Variants in TEX9 observed in about 807,000 individuals in gnomAD.
TEX9 encodes the protein testis expressed 9, also known as testis-expressed protein 9.
In TEX9, 74 loss-of-function variants were observed where a neutral mutation model predicts 59.6. The observed-to-expected ratio is 1.24, with a 90% CI of 1.03 to 1.51. The LOEUF is 1.51. Among genes scored for constraint, TEX9 ranks in the 40% most tolerant of loss-of-function variants. The probability of loss-of-function intolerance (pLI) is 0.00; values close to 1 mark genes in which losing one functional copy is unlikely to be tolerated. For synonymous variants in TEX9, 186 were observed against 152.2 expected (o/e 1.22, Z -1.64); for missense variants, 522 against 447.8 (o/e 1.17, Z -1.49).
rs1479049004 is a variant in TEX9 at position 56,431,849 on chromosome 15, A to AAAAC, written c.*29+3380_*29+3383dup. Among the ~76,000 whole-genome samples, 8 of 152,090 alleles carry AAAAC rather than the reference A, an allele frequency of 5.3e-5. 1 individual carries two copies. Among genetic ancestry groups the AAAAC allele is most frequent in the Admixed American group, 5.2e-4 (8 of 15,262 alleles). The stretch of plus-strand genomic sequence containing the variant: ...CCAGATGCTGAAGAGTTTACAGTGT[A>AAAAC]AAACAAAAAATAGTGAATAAAGAAG... On this transcript the variant is annotated intron_variant, in intron 12 of 12. Transcript: ENST00000352903.
At chr15:56,319,228 C>T (rs1041482544) in intron 1 of TEX9, among the ~76,000 whole-genome samples, 21 of 151,820 alleles carry the variant, frequency 1.4e-4, no homozygotes, top group South Asian at 2.1e-4. Context: ...CATTTCAAAA[C>T]GTCTTGACCA....
chr15:56,434,237 T>G (rs373996867), intron 12 of TEX9: 3 of 1,613,906 alleles, frequency 1.9e-6, no homozygotes, highest in Non-Finnish European at 2.5e-6. Flanking sequence ...CATTCATTAA[T>G]TCTATTCGAT....
rs1454813418 is a variant in TEX9, at chr15:56,365,481, A to G, written c.27+4A>G. ...GGGGCGAAGTCTGTGTCTCACGGTC[A>G]GTTCAACTCCAGGCTCCTGGGGAGC... On this transcript the variant is annotated splice_donor_region_variant and intron_variant, in intron 1 of 12. Transcript: ENST00000352903. The G allele has an allele frequency of 6.2e-6, 10 of 1,614,020 alleles. No homozygotes were observed. Among genetic ancestry groups the G allele is most frequent in the South Asian group, 1.1e-5 (1 of 91,084 alleles).
chr15:56,308,752 C>A (rs1407364229), intron 1 of TEX9, among the ~76,000 whole-genome samples: 1 of 152,094 alleles, frequency 6.6e-6, no homozygotes, highest in Admixed American at 6.5e-5. Context: ...AGGGGTCCAA[C>A]TTCATTTTTT....
Position 56,349,704 on chromosome 15 carries a change from C to T in TEX9, c.-106-23737C>T, listed in dbSNP as rs144458498. On this transcript the variant is annotated intron_variant, in intron 1 of 5. Coordinates refer to the TEX9 transcript ENST00000560827. ...GTGCATATGTGTGTGTATACACACA[C>T]GTGTATATGTATATAAGCACATATA... is the stretch of plus-strand genomic sequence containing the variant. Among the ~76,000 whole-genome samples, 14 of 151,616 alleles carry T rather than the reference C, an allele frequency of 9.2e-5. No homozygotes were observed. The East Asian group carries it at 1.4e-3, about 15-fold the overall frequency.
At chr15:56,375,641 G>C (rs2047404130) in intron 3 of TEX9, among the ~76,000 whole-genome samples, 1 of 152,072 alleles carries the variant, frequency 6.6e-6, no homozygotes, top group South Asian at 2.1e-4. Context: ...GGGTTTTTAT[G>C]GTTTTAGGTG....
At chr15:56,401,324 A>C (rs1219604717) in intron 9 of TEX9, among the ~76,000 whole-genome samples, 1 of 150,442 alleles carries the variant, frequency 6.6e-6, no homozygotes, top group African/African-American at 2.4e-5. Context: ...AAAAAAAAAA[A>C]AAAAAAAACA....
At chr15:56,438,204 G>T (rs1439810184) in intron 12 of TEX9, among the ~76,000 whole-genome samples, 2 of 152,124 alleles carry the variant, frequency 1.3e-5, no homozygotes, top group Admixed American at 1.3e-4. Context: ...CATGCTACCT[G>T]AATTCAAACT....
intron 10 of TEX9, among the ~76,000 whole-genome samples, chr15:56,414,670 C>T (rs2049582614): frequency 6.6e-6 from 1 of 151,662 alleles, no homozygotes; most frequent in African/African-American, 2.4e-5. Flanking sequence ...GATTCCATGT[C>T]CTTGCTATTG....
intron 2 of TEX9, among the ~76,000 whole-genome samples, chr15:56,370,287 T>C (rs947423872): frequency 4.6e-5 from 7 of 152,156 alleles, no homozygotes; most frequent in African/African-American, 1.7e-4. Flanking sequence ...TTTTACTTTG[T>C]TGTTTTGAAT....
chr15:56,362,344 T>G (rs1412683181), upstream of TEX9, among the ~76,000 whole-genome samples: 3 of 152,196 alleles, frequency 2.0e-5, no homozygotes, highest in African/African-American at 7.2e-5. Flanking sequence ...GTTAGGAGGA[T>G]TTACACCAGG....
In TEX9 at chr15:56,372,768, T is replaced by A. The variant is rs1267171750; in HGVS notation, c.120-673T>A. 3.9e-5 allele frequency among the ~76,000 whole-genome samples: 6 copies of A among 152,156 alleles called. No homozygotes were observed. The East Asian group carries it at 1.2e-3, about 29-fold the overall frequency. Reference sequence around the variant, plus strand: ...TGGGCAGTTTTTCGTTTAAAAACAATTTTTTTCAATAATATTGTCATCCTT... The same window carrying A: ...TGGGCAGTTTTTCGTTTAAAAACAAATTTTTTCAATAATATTGTCATCCTT... On this transcript the variant is annotated intron_variant, in intron 2 of 12. Coordinates refer to ENST00000352903, the Ensembl canonical transcript of TEX9.
At chr15:56,244,749 G>A (rs2043802807) in intron 1 of TEX9, among the ~76,000 whole-genome samples, 1 of 152,042 alleles carries the variant, frequency 6.6e-6, no homozygotes, top group Non-Finnish European at 1.5e-5. Flanking sequence ...GGAGGCTCAG[G>A]CGTCAGCCAC....
chr15:56,424,129 GT>G lies in TEX9; in HGVS notation c.964-3475del, dbSNP rs1484483162. Among the ~76,000 whole-genome samples the G allele has an allele frequency of 3.9e-5, 6 of 152,122 alleles. No individual in the cohort carries two copies. In the South Asian group the frequency reaches 1.0e-3, roughly 26 times the overall value. Reference sequence around the variant, plus strand: ...ATAGAGTAGTCTTTTCTCCAAGTCTGTCAATGCTTGCTTCATATATTTAGGC... The same window carrying G: ...ATAGAGTAGTCTTTTCTCCAAGTCTGCAATGCTTGCTTCATATATTTAGGC... On this transcript the variant is annotated intron_variant, in intron 10 of 12. Transcript: ENST00000352903.
chr15:56,399,907 G>A (rs142916389), intron 9 of TEX9, among the ~76,000 whole-genome samples: 1 of 152,240 alleles, frequency 6.6e-6, no homozygotes, highest in African/African-American at 2.4e-5. Context: ...ACTGTTACAG[G>A]GAAAGCTAAC....
chr15:56,297,748 A>AC (rs1348641290), intron 1 of TEX9, among the ~76,000 whole-genome samples: 1 of 152,134 alleles, frequency 6.6e-6, no homozygotes, highest in Non-Finnish European at 1.5e-5. Flanking sequence ...CAGGCAATCC[A>AC]CCCGCCTTGG....
At chr15:56,334,694 C>T (rs1418271853) in intron 1 of TEX9, among the ~76,000 whole-genome samples, 1 of 152,056 alleles carries the variant, frequency 6.6e-6, no homozygotes, top group African/African-American at 2.4e-5. Context: ...ACAAAGGAAA[C>T]AATCCACAAA....
chr15:56,366,615 C>A (rs1415154466), intron 2 of TEX9, among the ~76,000 whole-genome samples: 1 of 152,094 alleles, frequency 6.6e-6, no homozygotes, highest in Non-Finnish European at 1.5e-5. Context: ...ACTGTAAGTT[C>A]CAAGGGCAGA....
intron 1 of TEX9, among the ~76,000 whole-genome samples, chr15:56,329,868 C>G (rs1191891985): frequency 6.6e-6 from 1 of 152,032 alleles, no homozygotes; most frequent in African/African-American, 2.4e-5. Flanking sequence ...TGAAGGGTTA[C>G]TATCAGGGAA....
Sources: allele counts gnomAD v4.1 joint callset (sites outside exome capture counted in the v4.1 genomes callset), GRCh38; gene constraint gnomAD v4.1.1; transcripts MANE v1.5; gene names NCBI Gene and HGNC (gene_info 2026-07-23, HGNC 2026-07-21).